DPYD: variants seen among roughly 807,000 people sequenced by gnomAD.
The protein encoded by DPYD is dihydropyrimidine dehydrogenase [NADP(+)].
A neutral mutation model predicts 116.2 loss-of-function variants in DPYD; 109 were observed. The ratio of observed to expected loss-of-function variants is 0.94; its 90% CI spans 0.80 to 1.10. The LOEUF is 1.10. Ranked by LOEUF, DPYD falls within the 50% of genes least tolerant of loss-of-function variation. The probability of loss-of-function intolerance (pLI) is 0.00; values close to 1 mark genes in which losing one functional copy is unlikely to be tolerated. For synonymous variants in DPYD, 440 were observed against 432.0 expected, an observed-to-expected ratio of 1.02 and a Z score of -0.23; for missense variants, 1,302 against 1,254.5, an observed-to-expected ratio of 1.04 and a Z score of -0.57.
At chr1:97,310,988 G>A (rs1205468453) in intron 16 of DPYD, among the ~76,000 whole-genome samples, 2 of 151,688 alleles carry the variant, frequency 1.3e-5, no homozygotes, top group African/African-American at 4.8e-5. Context: ...AGTTACAGAA[G>A]TAGACATTAT....
intron 18 of DPYD, among the ~76,000 whole-genome samples, chr1:97,261,727 A>C (rs1187443442): frequency 1.3e-5 from 2 of 152,000 alleles, no homozygotes; most frequent in Non-Finnish European, 2.9e-5. Context: ...TTTGGCATAC[A>C]TTAGCTAATT....
At chr1:97,546,715 G>T in intron 12 of DPYD, 3 of 1,613,192 alleles carry the variant, frequency 1.9e-6, no homozygotes, top group Non-Finnish European at 2.5e-6. Context: ...TACAGAGGAA[G>T]TAGAGCTGAA....
At chr1:97,492,210 G>A (rs1377509737) in intron 13 of DPYD, among the ~76,000 whole-genome samples, 1 of 152,102 alleles carries the variant, frequency 6.6e-6, no homozygotes, top group Non-Finnish European at 1.5e-5. Context: ...TGGACTTGTG[G>A]AATGATTGCA....
chr1:97,655,394 C>CTATT (rs953957900), intron 8 of DPYD, among the ~76,000 whole-genome samples: 5 of 152,268 alleles, frequency 3.3e-5, no homozygotes, highest in African/African-American at 1.2e-4. Context: ...TGTTAAGCCT[C>CTATT]AAATAGAGCG....
At chr1:97,127,527 A>G (rs543651522) in intron 20 of DPYD, among the ~76,000 whole-genome samples, 116 of 152,108 alleles carry the variant, frequency 7.6e-4, no homozygotes, top group African/African-American at 2.7e-3. Flanking sequence ...TCCTTTTCCT[A>G]TTATTTTATG....
intron 14 of DPYD, among the ~76,000 whole-genome samples, chr1:97,440,326 T>G (rs1304895202): frequency 6.6e-6 from 1 of 151,994 alleles, no homozygotes; most frequent in African/African-American, 2.4e-5. Flanking sequence ...GCTTAGACCA[T>G]TTACATTTTT....
At chr1:97,328,111 TGA>T (rs1360911367) in intron 16 of DPYD, among the ~76,000 whole-genome samples, 1 of 152,104 alleles carries the variant, frequency 6.6e-6, no homozygotes, top group East Asian at 1.9e-4. Context: ...CTCTGTCCTC[TGA>T]GAGAGAGTAG....
At chr1:97,306,045 C>G in intron 17 of DPYD, 132 bp downstream of exon 17, 1 of 1,427,016 alleles carries the variant, frequency 7.0e-7, no homozygotes, top group Non-Finnish European at 9.7e-7. Context: ...GGATCAAGTG[C>G]TCAACTGGAA....
At chr1:97,427,252 G>A (rs1674923441) in intron 14 of DPYD, among the ~76,000 whole-genome samples, 1 of 151,866 alleles carries the variant, frequency 6.6e-6, no homozygotes, top group Admixed American at 6.6e-5. Flanking sequence ...CAAAAGGTAA[G>A]TTTTCTGATA....
intron 2 of DPYD, among the ~76,000 whole-genome samples, chr1:97,842,831 A>G (rs1162769893): frequency 6.6e-6 from 1 of 152,090 alleles, no homozygotes; most frequent in African/African-American, 2.4e-5. Flanking sequence ...CTAAAAAACA[A>G]AATTCATAAC....
chr1:97,683,846 A>G (rs1302028192), intron 7 of DPYD, among the ~76,000 whole-genome samples: 1 of 152,118 alleles, frequency 6.6e-6, no homozygotes, highest in African/African-American at 2.4e-5. Context: ...ACTATCCTAC[A>G]TAACTGTTGT....
At chr1:97,696,785 G>A (rs748975486) in intron 6 of DPYD, among the ~76,000 whole-genome samples, 19 of 152,046 alleles carry the variant, frequency 1.2e-4, no homozygotes, top group Non-Finnish European at 2.1e-4. Flanking sequence ...GTATGCTTCA[G>A]TTTATTACTA....
intron 8 of DPYD, among the ~76,000 whole-genome samples, chr1:97,648,799 G>C (rs1658412712): frequency 6.6e-6 from 1 of 151,856 alleles, no homozygotes; most frequent in African/African-American, 2.4e-5. Flanking sequence ...ATAGAACAAA[G>C]AATTGTTAAG....
At chr1:97,246,758 A>G (rs1386868769) in intron 18 of DPYD, among the ~76,000 whole-genome samples, 1 of 152,152 alleles carries the variant, frequency 6.6e-6, no homozygotes, top group South Asian at 2.1e-4. Flanking sequence ...AAAATGCATT[A>G]AAAAATATTG....
intron 2 of DPYD, among the ~76,000 whole-genome samples, chr1:97,850,417 T>C (rs1670513324): frequency 6.6e-6 from 1 of 152,196 alleles, no homozygotes; most frequent in South Asian, 2.1e-4. Flanking sequence ...TTCTTAGATA[T>C]GAAAATGAAG....
At chr1:97,368,942 T>C (rs1671177133) in intron 16 of DPYD, among the ~76,000 whole-genome samples, 2 of 152,166 alleles carry the variant, frequency 1.3e-5, no homozygotes, top group Non-Finnish European at 2.9e-5. Context: ...TTGCCACCTA[T>C]TGTTGGCAAT....
intron 18 of DPYD, among the ~76,000 whole-genome samples, chr1:97,302,238 G>C (rs139649760): frequency 2.0e-5 from 3 of 152,082 alleles, no homozygotes; most frequent in Non-Finnish European, 4.4e-5. Context: ...CAATGGTTTA[G>C]ACAGAGTACT....
At chr1:97,130,079 C>A in intron 20 of DPYD, among the ~76,000 whole-genome samples, 1 of 152,118 alleles carries the variant, frequency 6.6e-6, no homozygotes, top group East Asian at 1.9e-4. Context: ...ATGTTGTCCA[C>A]CACCGAGTCT....
At chr1:97,606,262 A>T (rs1375039534) in intron 8 of DPYD, among the ~76,000 whole-genome samples, 1 of 152,044 alleles carries the variant, frequency 6.6e-6, no homozygotes, top group African/African-American at 2.4e-5. Flanking sequence ...ATAGATGAGT[A>T]CCTACTATGT....
Sources: allele counts gnomAD v4.1 joint callset (sites outside exome capture counted in the v4.1 genomes callset), GRCh38; gene constraint gnomAD v4.1.1; transcripts MANE v1.5; gene names NCBI Gene and HGNC (gene_info 2026-07-23, HGNC 2026-07-21).